NMNAT2: variants seen among roughly 807,000 people sequenced by gnomAD.
NMNAT2 encodes the protein nicotinamide nucleotide adenylyltransferase 2.
Under a neutral mutation model 41.6 loss-of-function variants are expected in NMNAT2, and 11 were observed. The ratio of observed to expected loss-of-function variants is 0.26; its 90% CI spans 0.17 to 0.44. The LOEUF is 0.44. Ranked by LOEUF, NMNAT2 falls within the 20% of genes least tolerant of loss-of-function variation. The pLI, the probability that NMNAT2 is intolerant of heterozygous loss-of-function variation, is 1.00. For missense variants in NMNAT2, 288 were observed against 407.7 expected, an observed-to-expected ratio of 0.71 and a Z score of 2.53; for synonymous variants, 148 against 151.2, an observed-to-expected ratio of 0.98 and a Z score of 0.16.
At chr1:183,345,951 G>T (rs1209482282) in intron 1 of NMNAT2, among the ~76,000 whole-genome samples, 1 of 152,176 alleles carries the variant, frequency 6.6e-6, no homozygotes, top group Non-Finnish European at 1.5e-5. Context: ...CTCCCAAAGT[G>T]CTGGGATTAC....
At position 183,261,006 on chromosome 1, in the gene NMNAT2, T is replaced by C. The variant is rs764697070; in HGVS notation, c.817A>G (p.Ser273Gly). The stretch of plus-strand genomic sequence containing the variant: ...CTGGCCATTTGTCAAACATACCTGC[T>C]CTTGGTTGAGCTGACAACAGACATG... ...HPMSVVSSTK[S>G]RLALQHGDGH... The change falls in exon 10 of 11, where the codon AGC (serine) becomes GGC (glycine). Residue 273 changes from serine (S) to glycine (G), a missense_variant. Transcript: ENST00000287713. The C allele has an allele frequency of 1.2e-6, 2 of 1,612,962 alleles. No individual in the cohort carries two copies. The highest frequency in any genetic ancestry group is 1.1e-5 in the South Asian group (1 of 91,058).
chr1:183,376,222 TA>T (rs1197666924), intron 1 of NMNAT2, among the ~76,000 whole-genome samples: 1 of 152,236 alleles, frequency 6.6e-6, no homozygotes, highest in Non-Finnish European at 1.5e-5. Context: ...TATTCATTAT[TA>T]ATCTCATTAG....
chr1:183,406,882 G>C (rs1285109676), intron 1 of NMNAT2, among the ~76,000 whole-genome samples: 1 of 140,496 alleles, frequency 7.1e-6, no homozygotes, highest in African/African-American at 2.7e-5. Flanking sequence ...GCAGTGGCGA[G>C]ATCTCAGCTC....
At chr1:183,389,824 GAAAGAAAGAAAGAAAGAAA>G (rs1648408097) in intron 1 of NMNAT2, among the ~76,000 whole-genome samples, 2 of 54,290 alleles carry the variant, frequency 3.7e-5, no homozygotes, top group East Asian at 1.9e-3. Context: ...AAGAAAGAAA[GAAAGAAAGAAAGAAAGAAA>G]GGAAAAAAGA....
chr1:183,300,638 C>T (rs1661825330), intron 1 of NMNAT2, among the ~76,000 whole-genome samples: 1 of 152,200 alleles, frequency 6.6e-6, no homozygotes, highest in African/African-American at 2.4e-5. Context: ...TACATGGTAT[C>T]TCTCTGTATT....
At chr1:183,349,390 G>A (rs1304720520) in intron 1 of NMNAT2, among the ~76,000 whole-genome samples, 1 of 152,248 alleles carries the variant, frequency 6.6e-6, no homozygotes, top group Non-Finnish European at 1.5e-5. Context: ...AATGGTCATA[G>A]ACAGAAGAGG....
chr1:183,385,828 G>A (rs921059098), intron 1 of NMNAT2, among the ~76,000 whole-genome samples: 1 of 152,164 alleles, frequency 6.6e-6, no homozygotes, highest in South Asian at 2.1e-4. Context: ...TGTCATATGA[G>A]GAAATGTGAC....
intron 1 of NMNAT2, among the ~76,000 whole-genome samples, chr1:183,322,334 A>G (rs1007471447): frequency 2.6e-5 from 4 of 152,166 alleles, no homozygotes; most frequent in African/African-American, 9.7e-5. Flanking sequence ...TCAGGTGTGT[A>G]TGGTCCCAGG....
intron 1 of NMNAT2, among the ~76,000 whole-genome samples, chr1:183,319,176 CT>C (rs1662311487): frequency 6.6e-6 from 1 of 152,168 alleles, no homozygotes; most frequent in Non-Finnish European, 1.5e-5. Context: ...TGGCTGGGGG[CT>C]CAGTTGACTC....
At chr1:183,254,260 C>A (rs1660465819) in intron 10 of NMNAT2, among the ~76,000 whole-genome samples, 1 of 152,146 alleles carries the variant, frequency 6.6e-6, no homozygotes. Flanking sequence ...TATCTCTTAT[C>A]TTTTTGATAA....
chr1:183,253,696 C>G (rs1275380719), intron 10 of NMNAT2, among the ~76,000 whole-genome samples: 1 of 151,972 alleles, frequency 6.6e-6, no homozygotes, highest in Non-Finnish European at 1.5e-5. Context: ...TGATCTATAT[C>G]TCCCCACTTT....
At chr1:183,280,532 T>C (rs1301516779) in intron 7 of NMNAT2, among the ~76,000 whole-genome samples, 6 of 150,028 alleles carry the variant, frequency 4.0e-5, no homozygotes, top group Admixed American at 3.3e-4. Context: ...GGATTACAGG[T>C]GCCTGCCACC....
At chr1:183,370,596 G>T (rs566169207) in intron 1 of NMNAT2, among the ~76,000 whole-genome samples, 3 of 152,364 alleles carry the variant, frequency 2.0e-5, no homozygotes, top group Admixed American at 2.0e-4. Flanking sequence ...CAGCCTAGGA[G>T]TGCTCTCCAT....
chr1:183,400,064 G>C (rs991756353), intron 1 of NMNAT2, among the ~76,000 whole-genome samples: 4 of 152,164 alleles, frequency 2.6e-5, no homozygotes, highest in Admixed American at 2.0e-4. Context: ...TCTGGCCAGG[G>C]CAATCAGGGA....
At chr1:183,266,739 T>C (rs1660826282) in intron 8 of NMNAT2, 1 of 216,314 alleles carries the variant, frequency 4.6e-6, no homozygotes, top group Non-Finnish European at 9.7e-6. Flanking sequence ...GAAGTTGCAT[T>C]TAGAAAATTC....
chr1:183,287,796 A>AGGG (rs1241923389), intron 4 of NMNAT2, among the ~76,000 whole-genome samples: 1 of 152,224 alleles, frequency 6.6e-6, no homozygotes, highest in Non-Finnish European at 1.5e-5. Flanking sequence ...TTCTGCTGCC[A>AGGG]GGGGACCCCC....
chr1:183,259,296 C>A (rs1209459134), intron 10 of NMNAT2, among the ~76,000 whole-genome samples: 1 of 152,160 alleles, frequency 6.6e-6, no homozygotes, highest in African/African-American at 2.4e-5. Context: ...GCTTATTGCC[C>A]ATTGCTTCTG....
chr1:183,372,932 T>C (rs541420488), intron 1 of NMNAT2, among the ~76,000 whole-genome samples: 6 of 152,326 alleles, frequency 3.9e-5, no homozygotes, highest in Non-Finnish European at 7.3e-5. Flanking sequence ...CATGGATTCT[T>C]CTTGTGAATT....
intron 1 of NMNAT2, among the ~76,000 whole-genome samples, chr1:183,333,977 T>A (rs1029443319): frequency 1.3e-5 from 2 of 152,186 alleles, no homozygotes; most frequent in Admixed American, 6.5e-5. Flanking sequence ...AATGATCTCA[T>A]TGTTCCCAGT....
Sources: gnomAD v4.1 joint callset for allele counts (sites outside exome capture counted in the v4.1 genomes callset) on GRCh38, gnomAD v4.1.1 for gene constraint, MANE v1.5 for transcripts, NCBI Gene and HGNC (gene_info 2026-07-23, HGNC 2026-07-21) for gene names.